Variants in CFAP61 observed in about 807,000 individuals in gnomAD.
CFAP61 encodes cilia and flagella associated protein 61, also known as cilia- and flagella-associated protein 61.
In CFAP61, 107 loss-of-function variants were observed where a neutral mutation model predicts 135.6. The observed-to-expected ratio is 0.79, with a 90% confidence interval of 0.67 to 0.93. The LOEUF (loss-of-function observed/expected upper bound fraction) is 0.93, where lower values mean the gene tolerates loss of function less well. Ranked by LOEUF, CFAP61 falls within the 40% of genes least tolerant of loss-of-function variation. The pLI is 0.00. For synonymous variants in CFAP61, 575 were observed against 578.5 expected (o/e 0.99, Z 0.09); for missense variants, 1,507 against 1,556.2 (o/e 0.97, Z 0.53).
intron 6 of CFAP61, among the ~76,000 whole-genome samples, chr20:20,078,903 G>T (rs1263730014): frequency 2.0e-5 from 3 of 152,182 alleles, no homozygotes; most frequent in Admixed American, 2.0e-4. Context: ...AGGAATGAAA[G>T]AGGTGGTATC....
chr20:20,091,807 A>G (rs1476699198), intron 7 of CFAP61, among the ~76,000 whole-genome samples: 1 of 152,050 alleles, frequency 6.6e-6, no homozygotes, highest in Non-Finnish European at 1.5e-5. Flanking sequence ...CCTCCCTAGT[A>G]GCTGGGATTA....
chr20:20,169,409 C>T lies in CFAP61; in HGVS notation c.1334C>T (p.Thr445Ile). Residue 445 changes from threonine (T) to isoleucine (I), a missense_variant, in exon 13 of 27, where the codon ACC (threonine) becomes ATC (isoleucine). By Grantham distance (89) the Thr-to-Ile change is moderately conservative. Transcript: ENST00000245957. Reference sequence around the variant, plus strand: ...TTCGTGAAAATGGTCCCTTTCAACACCTGCACCCTCGAGCAGGACCTCTAC... The same window carrying T: ...TTCGTGAAAATGGTCCCTTTCAACATCTGCACCCTCGAGCAGGACCTCTAC... ...QNFVKMVPFN[T>I]CTLEQDLYVF... is the part of the protein sequence containing the mutation. The T allele has an allele frequency of 5.0e-6, 8 of 1,614,048 alleles. No individual in the cohort carries two copies. The highest frequency in any genetic ancestry group is 5.9e-6 in the Non-Finnish European group (7 of 1,179,962).
intron 25 of CFAP61, among the ~76,000 whole-genome samples, chr20:20,317,918 A>G (rs1321739312): frequency 6.6e-6 from 1 of 152,228 alleles, no homozygotes; most frequent in Non-Finnish European, 1.5e-5. Context: ...ATTAGTTCCC[A>G]GCCACTAGCA....
intron 3 of CFAP61, among the ~76,000 whole-genome samples, chr20:20,073,599 C>A (rs1326937180): frequency 6.6e-6 from 1 of 152,190 alleles, no homozygotes; most frequent in Non-Finnish European, 1.5e-5. Context: ...CACAGGGGTA[C>A]CGAGTTGAGT....
chr20:20,061,121 G>A (rs895505183), intron 2 of CFAP61, among the ~76,000 whole-genome samples: 1 of 152,126 alleles, frequency 6.6e-6, no homozygotes, highest in Non-Finnish European at 1.5e-5. Flanking sequence ...AGACTGTTAG[G>A]AATATATATT....
intron 13 of CFAP61, among the ~76,000 whole-genome samples, chr20:20,186,505 C>A (rs578245268): frequency 6.6e-6 from 1 of 152,226 alleles, no homozygotes; most frequent in East Asian, 1.9e-4. Context: ...TTTGTGTGGA[C>A]ATATGTTTTT....
intron 7 of CFAP61, among the ~76,000 whole-genome samples, chr20:20,091,489 C>T (rs1287739075): frequency 1.7e-5 from 2 of 115,410 alleles, no homozygotes; most frequent in African/African-American, 7.1e-5. Context: ...CTCTCTCTCT[C>T]TTTTTCTCTC....
intron 17 of CFAP61, among the ~76,000 whole-genome samples, chr20:20,223,080 C>A (rs1424816604): frequency 6.6e-6 from 1 of 152,156 alleles, no homozygotes; most frequent in Non-Finnish European, 1.5e-5. Context: ...TGGGTGTGAG[C>A]TGAAAATTGA....
At chr20:20,149,306 A>C (rs2052195652) in intron 9 of CFAP61, among the ~76,000 whole-genome samples, 1 of 152,232 alleles carries the variant, frequency 6.6e-6, no homozygotes, top group Non-Finnish European at 1.5e-5. Context: ...TTGATGAGGA[A>C]ATTCTAATAA....
intron 26 of CFAP61, among the ~76,000 whole-genome samples, chr20:20,342,740 G>A (rs946555841): frequency 1.3e-5 from 2 of 152,210 alleles, no homozygotes; most frequent in African/African-American, 2.4e-5. Flanking sequence ...TTCCCAGTGC[G>A]TGCCCCACTT....
rs1003640640 is a variant in CFAP61, at chr20:20,098,015, A to T, written c.700-640A>T. ...AGGAGCGCCAGGCTTATGGTGGGGT[A>T]CAAACACAAGACACCAAATGGCAGA... is the stretch of plus-strand genomic sequence containing the variant. On this transcript the variant is annotated intron_variant, in intron 7 of 26. Coordinates refer to ENST00000245957, the MANE Select transcript of CFAP61 (RefSeq NM_015585.4). Among the ~76,000 whole-genome samples, 8 of 152,124 alleles carry T rather than the reference A, an allele frequency of 5.3e-5. No individual in the cohort carries two copies. The South Asian group carries it at 1.7e-3, about 32-fold the overall frequency.
chr20:20,359,262 G>T lies in CFAP61; in HGVS notation c.3514-948G>T, dbSNP rs1359944927. On this transcript the variant is annotated intron_variant, in intron 26 of 26. Transcript: ENST00000245957. This position sits in a 1 kb window ranked among gnomAD's most constrained non-coding sequence, Gnocchi z 4.0. ...GACTTGATTGTGAATTTATTCTAAGGTTTTAAAATCCCACTTCTTGGGAAT... is the reference window on the plus strand; with the variant it reads ...GACTTGATTGTGAATTTATTCTAAGTTTTTAAAATCCCACTTCTTGGGAAT... 6.6e-6 allele frequency among the ~76,000 whole-genome samples: 1 copy of T among 152,054 alleles called. No homozygotes were observed. Among genetic ancestry groups the T allele is most frequent in the Non-Finnish European group, 1.5e-5 (1 of 68,000 alleles).
intron 26 of CFAP61, among the ~76,000 whole-genome samples, chr20:20,357,174 G>GT (rs1351154871): frequency 1.9e-5 from 2 of 105,352 alleles, no homozygotes. Context: ...TGGTCACACT[G>GT]AGGGGAGGTG....
chr20:20,197,270 C>T (rs2056354976), intron 16 of CFAP61, among the ~76,000 whole-genome samples: 1 of 152,064 alleles, frequency 6.6e-6, no homozygotes, highest in Non-Finnish European at 1.5e-5. Context: ...TGCCTGATGC[C>T]GATGTAACCC....
chr20:20,072,091 C>CTTTTTT lies in CFAP61; in HGVS notation c.294+1123_294+1128dup, dbSNP rs71198039. On this transcript the variant is annotated intron_variant, in intron 3 of 26. Coordinates refer to ENST00000245957, the MANE Select transcript of CFAP61 (RefSeq NM_015585.4). ...CCTATTTGGTATCTAATCTAGCAATCTTTTTTTTTTTTTTTTTTTTTTTTT... is the reference window on the plus strand; with the variant it reads ...CCTATTTGGTATCTAATCTAGCAATCTTTTTTTTTTTTTTTTTTTTTTTTTTTTTTT... Among the ~76,000 whole-genome samples, 26 of 57,634 alleles carry CTTTTTT rather than the reference C, an allele frequency of 4.5e-4. 2 individuals are homozygous for CTTTTTT. Among genetic ancestry groups the CTTTTTT allele is most frequent in the Non-Finnish European group, 7.3e-4 (21 of 28,738 alleles). The allele number at this position is 57,634 out of a possible 152,430, so 37.8% of individuals were successfully genotyped here. A position where few individuals can be genotyped will look rare whatever the true frequency, so the allele number is the denominator to read the frequency against.
chr20:20,159,072 G>T (rs6035569), intron 9 of CFAP61, among the ~76,000 whole-genome samples: 1 of 152,174 alleles, frequency 6.6e-6, no homozygotes, highest in Non-Finnish European at 1.5e-5. Flanking sequence ...CAGAAGAATA[G>T]GAATAATGGA....
intron 6 of CFAP61, 56 bp from the exon 7 acceptor site, chr20:20,090,788 G>C: frequency 6.3e-7 from 1 of 1,599,218 alleles, no homozygotes; most frequent in South Asian, 1.1e-5. Context: ...TTGGTGCCCT[G>C]TTGAAGGAAA....
Position 20,071,015 on chromosome 20 carries a change from A to G in CFAP61, c.294+11A>G. On this transcript the variant is annotated intron_variant, in intron 3 of 26. Coordinates refer to ENST00000245957, the MANE Select transcript of CFAP61 (RefSeq NM_015585.4). Reference sequence around the variant, plus strand: ...GACATCCCATGCACAGTAAGAAATCACATACAGTGCTTGTTAGAACACCCT... The same window carrying G: ...GACATCCCATGCACAGTAAGAAATCGCATACAGTGCTTGTTAGAACACCCT... The G allele has an allele frequency of 6.2e-7, 1 of 1,611,806 alleles. No homozygotes were observed. Among genetic ancestry groups the G allele is most frequent in the African/African-American group, 1.3e-5 (1 of 74,972 alleles).
At position 20,272,435 on chromosome 20, in the gene CFAP61, A is replaced by T. The variant is rs117244972; in HGVS notation, c.2504-4731A>T. Among the ~76,000 whole-genome samples, 182 of 133,832 alleles carry T rather than the reference A, an allele frequency of 1.4e-3. 3 individuals are homozygous for T. The East Asian group carries it at 0.023, about 17-fold the overall frequency. The allele number at this position is 133,832 out of a possible 152,430, so 87.8% of individuals were successfully genotyped here. A position where few individuals can be genotyped will look rare whatever the true frequency, so the allele number is the denominator to read the frequency against. ...AGTGAGACTCTGTCTTGAAATAAAT[A>T]AATTAATTAATTATAAAATAAAAGC... is the stretch of plus-strand genomic sequence containing the variant. On this transcript the variant is annotated intron_variant, in intron 21 of 26. Coordinates refer to ENST00000245957, the MANE Select transcript of CFAP61 (RefSeq NM_015585.4).
Sources: gnomAD v4.1 joint callset for allele counts (sites outside exome capture counted in the v4.1 genomes callset) on GRCh38, gnomAD v4.1.1 for gene constraint, Gnocchi (gnomAD v3.1) non-coding constraint, MANE v1.5 for transcripts, NCBI Gene and HGNC (gene_info 2026-07-23, HGNC 2026-07-21) for gene names.